LIMA1: variants seen among roughly 807,000 people sequenced by gnomAD.
The protein encoded by LIMA1 is LIM domain and actin-binding protein 1.
Under a neutral mutation model 62.6 loss-of-function variants are expected in LIMA1, and 52 were observed. The ratio of observed to expected loss-of-function variants is 0.83; its 90% CI spans 0.67 to 1.05. The LOEUF is 1.05. Among genes scored for constraint, LIMA1 ranks in the 50% least tolerant of loss-of-function variants. The pLI is 0.00. For missense variants in LIMA1, 780 were observed against 902.2 expected, an observed-to-expected ratio of 0.86 and a Z score of 1.74; for synonymous variants, 302 against 317.8, an observed-to-expected ratio of 0.95 and a Z score of 0.53.
chr12:50,248,299 GCT>G (rs1361474290), intron 2 of LIMA1, among the ~76,000 whole-genome samples: 1 of 152,118 alleles, frequency 6.6e-6, no homozygotes, highest in African/African-American at 2.4e-5. Flanking sequence ...TGTCTGTGAT[GCT>G]CTGTCTCTTA....
intron 9 of LIMA1, among the ~76,000 whole-genome samples, chr12:50,184,528 G>T (rs1331364809): frequency 6.6e-6 from 1 of 152,120 alleles, no homozygotes; most frequent in Non-Finnish European, 1.5e-5. Flanking sequence ...TGTAATTCCA[G>T]CTACCAGAGA....
At chr12:50,277,143 G>A (rs909263641) in intron 1 of LIMA1, among the ~76,000 whole-genome samples, 2 of 152,108 alleles carry the variant, frequency 1.3e-5, no homozygotes, top group African/African-American at 4.8e-5. Context: ...CAGGGCTTCT[G>A]TGATTTTATC....
At chr12:50,204,742 T>TG (rs1302726301) in intron 5 of LIMA1, 42 bp from the exon 6 acceptor site, 2 of 1,593,426 alleles carry the variant, frequency 1.3e-6, no homozygotes, top group East Asian at 4.5e-5. Context: ...ATTTCTGAGA[T>TG]GGGGTCTCAC....
chr12:50,216,208 G>A (rs1414781232), intron 4 of LIMA1, among the ~76,000 whole-genome samples: 2 of 152,058 alleles, frequency 1.3e-5, no homozygotes, highest in Non-Finnish European at 1.5e-5. Context: ...AAGTGTCACC[G>A]TGGCATTTCT....
intron 7 of LIMA1, among the ~76,000 whole-genome samples, chr12:50,199,765 G>A (rs1235193859): frequency 6.6e-6 from 1 of 152,090 alleles, no homozygotes; most frequent in Non-Finnish European, 1.5e-5. Flanking sequence ...TGTGTTAAAT[G>A]TATACTTAAA....
intron 6 of LIMA1, chr12:50,201,286 A>G: frequency 9.9e-7 from 1 of 1,008,478 alleles, no homozygotes; most frequent in Non-Finnish European, 1.2e-6. Context: ...AGTGCCAATA[A>G]TAGAAAATAT....
At chr12:50,184,824 G>GT (rs948004148) in intron 9 of LIMA1, among the ~76,000 whole-genome samples, 22 of 151,706 alleles carry the variant, frequency 1.5e-4, no homozygotes, top group Admixed American at 5.3e-4. Context: ...TGCGTTTTTT[G>GT]TTTTTTTTGT....
chr12:50,204,859 A>G lies in LIMA1; in HGVS notation c.716-159T>C, dbSNP rs531724099. On this transcript the variant is annotated intron_variant, in intron 5 of 10. Transcript: ENST00000341247. ...CTCAGCCTCCCAAAGCGCTGGAATT[A>G]TAGGTGTAAACCACCGTGACTGGCC... Among the ~76,000 whole-genome samples the G allele has an allele frequency of 7.2e-5, 11 of 152,228 alleles. No homozygotes were observed. In the South Asian group the frequency reaches 2.3e-3, roughly 32 times the overall value.
At chr12:50,241,970 TTTG>T (rs1941784171) in intron 2 of LIMA1, among the ~76,000 whole-genome samples, 1 of 97,976 alleles carries the variant, frequency 1.0e-5, no homozygotes, top group Non-Finnish European at 2.0e-5. Context: ...TTTTTTTTTT[TTTG>T]CGGTCCAGCC....
At chr12:50,247,604 A>AATAATTATTATTATTATTATT (rs1555209670) in intron 2 of LIMA1, among the ~76,000 whole-genome samples, 2 of 140,620 alleles carry the variant, frequency 1.4e-5, no homozygotes, top group African/African-American at 2.7e-5. Context: ...TAAATGCTGG[A>AATAATTATTATTATTATTATT]ATTATTATTA....
chr12:50,231,277 A>G (rs1467548586), intron 3 of LIMA1, among the ~76,000 whole-genome samples: 1 of 152,198 alleles, frequency 6.6e-6, no homozygotes, highest in East Asian at 1.9e-4. Context: ...AACCCAGAAG[A>G]TGACAACAGC....
chr12:50,244,764 A>C (rs1025922444), intron 2 of LIMA1, among the ~76,000 whole-genome samples: 1 of 152,196 alleles, frequency 6.6e-6, no homozygotes, highest in Non-Finnish European at 1.5e-5. Context: ...AACTCTCCTT[A>C]GTGCTACTAT....
intron 1 of LIMA1, among the ~76,000 whole-genome samples, chr12:50,275,324 C>T (rs936263641): frequency 1.3e-5 from 2 of 151,936 alleles, no homozygotes; most frequent in Admixed American, 6.6e-5. Flanking sequence ...GCTGAGATTG[C>T]GCCATTGCAC....
chr12:50,233,227 T>C (rs986094137), intron 2 of LIMA1, among the ~76,000 whole-genome samples: 2 of 152,252 alleles, frequency 1.3e-5, no homozygotes, highest in Non-Finnish European at 2.9e-5. Flanking sequence ...CTCTGGCAAG[T>C]GACTTAATCT....
chr12:50,177,599 G>T lies in LIMA1; in HGVS notation c.1745C>A (p.Ser582Tyr), dbSNP rs957892686. Residue 582 changes from serine (S) to tyrosine (Y), a missense_variant, in exon 11 of 11, where the codon TCT (serine) becomes TAT (tyrosine). Physicochemically the swap from Ser to Tyr is moderately radical, Grantham distance 144. Transcript: ENST00000341247. ...DLDLKKLRRS[S>Y]SLKERSRPFT... is the part of the protein sequence containing the mutation. ...TGGGCGGCTTCTTTCCTTCAGTGAA[G>T]AAGATCGTCTTAGCTTCTTCAGATC... 2 of 1,611,412 alleles carry T rather than the reference G, an allele frequency of 1.2e-6. No homozygotes were observed. The highest frequency in any genetic ancestry group is 2.7e-5 in the African/African-American group (2 of 74,764).
At chr12:50,233,946 A>G (rs1353508215) in intron 2 of LIMA1, among the ~76,000 whole-genome samples, 2 of 152,234 alleles carry the variant, frequency 1.3e-5, no homozygotes, top group Non-Finnish European at 1.5e-5. Context: ...GTTTGTAATA[A>G]GCAGTGATTA....
At chr12:50,179,940 A>T (rs1940457020) in intron 10 of LIMA1, among the ~76,000 whole-genome samples, 1 of 151,542 alleles carries the variant, frequency 6.6e-6, no homozygotes, top group Non-Finnish European at 1.5e-5. Context: ...CGAGGTGGGC[A>T]GATCACTTGA....
intron 1 of LIMA1, among the ~76,000 whole-genome samples, chr12:50,274,715 G>A (rs1942255710): frequency 6.6e-6 from 1 of 152,184 alleles, no homozygotes. Context: ...GGTAGGAACA[G>A]GGACACGAAC....
At chr12:50,270,337 G>C (rs1178149882) in intron 1 of LIMA1, among the ~76,000 whole-genome samples, 1 of 150,394 alleles carries the variant, frequency 6.6e-6, no homozygotes, top group South Asian at 2.1e-4. Flanking sequence ...AGTGGCTCAC[G>C]CCTGTAATCC....
Sources: allele counts gnomAD v4.1 joint callset (sites outside exome capture counted in the v4.1 genomes callset), GRCh38; gene constraint gnomAD v4.1.1; transcripts MANE v1.5; gene names NCBI Gene and HGNC (gene_info 2026-07-23, HGNC 2026-07-21).